The following HS6ST2 variants were observed in gnomAD, a reference collection of about 807,000 sequenced individuals.
HS6ST2 encodes heparan-sulfate 6-O-sulfotransferase 2.
In HS6ST2, 17 loss-of-function variants were observed where a neutral mutation model predicts 33.0. The observed-to-expected ratio is 0.52, with a 90% CI of 0.35 to 0.77. The LOEUF is 0.77. Among genes scored for constraint, HS6ST2 ranks in the 30% least tolerant of loss-of-function variants. HS6ST2 has a pLI of 0.01. For missense variants in HS6ST2, 519 were observed against 551.7 expected (o/e 0.94, Z 0.59); for synonymous variants, 248 against 237.1 (o/e 1.05, Z -0.42).
intron 3 of HS6ST2, among the ~76,000 whole-genome samples, chrX:132,671,448 T>A (rs1036283619): frequency 1.0e-5 from 1 of 100,152 alleles, no homozygotes; most frequent in Non-Finnish European, 2.0e-5. Context: ...TTCATTCACT[T>A]TTTTTTTTTT....
At chrX:132,773,408 C>T (rs763637602) in intron 2 of HS6ST2, among the ~76,000 whole-genome samples, 7 of 109,050 alleles carry the variant, frequency 6.4e-5, no homozygotes, top group Non-Finnish European at 9.5e-5. Flanking sequence ...TTTTGCAATA[C>T]AGTCTGACAG....
chrX:132,744,474 G>A (rs1330753765), intron 2 of HS6ST2, among the ~76,000 whole-genome samples: 1 of 112,176 alleles, frequency 8.9e-6, no homozygotes, highest in African/African-American at 3.2e-5. Flanking sequence ...CTCAAATGTG[G>A]TTCCAATAGC....
chrX:132,926,192 C>G (rs2066708859), intron 2 of HS6ST2, among the ~76,000 whole-genome samples: 1 of 112,586 alleles, frequency 8.9e-6, no homozygotes, highest in South Asian at 3.7e-4. Flanking sequence ...TTTTGGAGAG[C>G]TGTATATAGA....
intron 2 of HS6ST2, among the ~76,000 whole-genome samples, chrX:132,802,513 C>T (rs1212600241): frequency 9.0e-6 from 1 of 111,336 alleles, no homozygotes; most frequent in Admixed American, 9.7e-5. Flanking sequence ...GAAAATACAT[C>T]TTCATTCCAA....
chrX:132,737,098 A>G (rs188221852), intron 2 of HS6ST2, among the ~76,000 whole-genome samples: 1 of 111,354 alleles, frequency 9.0e-6, no homozygotes, highest in East Asian at 2.8e-4. Flanking sequence ...CATTTTACAC[A>G]TGGAGACCCT....
At chrX:132,897,267 G>A (rs901007863) in intron 2 of HS6ST2, among the ~76,000 whole-genome samples, 2 of 109,718 alleles carry the variant, frequency 1.8e-5, no homozygotes, top group East Asian at 5.8e-4. Context: ...TGCTGGGGGC[G>A]GGGGGAGCGG....
chrX:132,825,856 C>T, intron 2 of HS6ST2, among the ~76,000 whole-genome samples: 1 of 111,951 alleles, frequency 8.9e-6, no homozygotes, highest in Non-Finnish European at 1.9e-5. Context: ...TCAGTTATAG[C>T]CAAGCTAATC....
At chrX:132,845,031 G>A (rs751089784) in intron 2 of HS6ST2, among the ~76,000 whole-genome samples, 1 of 108,145 alleles carries the variant, frequency 9.2e-6, no homozygotes, top group South Asian at 4.1e-4. Context: ...TCTCTCTAGG[G>A]TTAAAACTCA....
chrX:132,872,849 T>C (rs1376318519), intron 2 of HS6ST2, among the ~76,000 whole-genome samples: 3 of 111,487 alleles, frequency 2.7e-5, no homozygotes, highest in African/African-American at 6.5e-5. Context: ...AAGGTAACCA[T>C]GATAAAATCG....
chrX:132,741,502 G>C (rs1448985682), intron 2 of HS6ST2, among the ~76,000 whole-genome samples: 1 of 110,036 alleles, frequency 9.1e-6, no homozygotes, highest in East Asian at 2.9e-4. Context: ...GGCTGGTCTC[G>C]AACTCCTGAC....
intron 2 of HS6ST2, among the ~76,000 whole-genome samples, chrX:132,780,747 C>T (rs1352352995): frequency 9.0e-6 from 1 of 111,567 alleles, no homozygotes; most frequent in African/African-American, 3.3e-5. Context: ...ACAGAGTAAG[C>T]CCTTGACAAT....
intron 2 of HS6ST2, among the ~76,000 whole-genome samples, chrX:132,775,651 C>T (rs1180087497): frequency 1.8e-5 from 2 of 111,904 alleles, no homozygotes; most frequent in African/African-American, 6.5e-5. Flanking sequence ...TCTGCCAAGG[C>T]CACATCATTG....
rs751632326 is a variant in HS6ST2 at position 132,628,209 on chromosome X, C to T, written c.*14G>A. 1.2e-5 allele frequency: 13 copies of T among 1,098,940 alleles called. No individual in the cohort carries two copies. The highest frequency in any genetic ancestry group is 1.6e-5 in the Non-Finnish European group (13 of 817,051). The allele number at this position is 1,098,940 out of a possible 1,213,427, so 90.6% of individuals were successfully genotyped here. On this transcript the variant is annotated 3_prime_UTR_variant, in exon 5 of 5. Transcript: ENST00000370833. ...GCGCTTTGGGAGAAGTATGTACAGG[C>T]CTTTTTGAGCCATTTAACGCCATTT...
In HS6ST2 at chrX:132,669,107, A is replaced by G. The variant is rs774750557; in HGVS notation, c.1067+6T>C. The stretch of plus-strand genomic sequence containing the variant: ...GTCAGATGTACAGGAGCACTTTTTC[A>G]CTTACTTCCCACTCTTAGATGTGTT... On this transcript the variant is annotated splice_donor_region_variant and intron_variant, in intron 4 of 4. Transcript: ENST00000370833. 8.5e-7 allele frequency: 1 copy of G among 1,171,093 alleles called. No individual in the cohort carries two copies. The highest frequency in any genetic ancestry group is 1.8e-5 in the South Asian group (1 of 55,105).
At chrX:132,784,585 C>T (rs1430109883) in intron 2 of HS6ST2, among the ~76,000 whole-genome samples, 1 of 111,954 alleles carries the variant, frequency 8.9e-6, no homozygotes, top group African/African-American at 3.2e-5. Flanking sequence ...GCTGGGATCA[C>T]AGGTGTGAGC....
At chrX:132,905,143 T>A (rs2066459825) in intron 2 of HS6ST2, among the ~76,000 whole-genome samples, 1 of 112,000 alleles carries the variant, frequency 8.9e-6, no homozygotes, top group African/African-American at 3.2e-5. Flanking sequence ...ACTGTTGTAA[T>A]GCTTTTGCAA....
chrX:132,804,339 C>A (rs1474144979), intron 2 of HS6ST2, among the ~76,000 whole-genome samples: 1 of 111,960 alleles, frequency 8.9e-6, no homozygotes, highest in Non-Finnish European at 1.9e-5. Flanking sequence ...TACCTGGACA[C>A]CACATACCAC....
At position 132,633,145 on chromosome X, in the gene HS6ST2, G is replaced by A. The variant is rs1603287771; in HGVS notation, c.1068-4052C>T. Among the ~76,000 whole-genome samples, 4 of 108,562 alleles carry A rather than the reference G, an allele frequency of 3.7e-5. 1 individual carries two copies. The South Asian group carries it at 1.6e-3, about 44-fold the overall frequency. 94.3% of individuals were successfully genotyped at this position (108,562 alleles called of 115,157 possible). ...GTATGAGACAGAAGGATCAGCATGA[G>A]CAGAGGCACAGAGGCATAAACCAGC... On this transcript the variant is annotated intron_variant, in intron 4 of 4. Coordinates refer to ENST00000370833, the MANE Select transcript of HS6ST2 (RefSeq NM_001394073.1).
intron 2 of HS6ST2, among the ~76,000 whole-genome samples, chrX:132,937,166 A>G (rs1303274773): frequency 1.8e-5 from 2 of 111,829 alleles, no homozygotes; most frequent in Admixed American, 1.9e-4. Context: ...GAAGTAAAAT[A>G]AAAACAATAA....
Sources: allele counts gnomAD v4.1 joint callset (sites outside exome capture counted in the v4.1 genomes callset), GRCh38; gene constraint gnomAD v4.1.1; transcripts MANE v1.5; gene names NCBI Gene and HGNC (gene_info 2026-07-23, HGNC 2026-07-21).